Variants in SLC12A6 observed in about 807,000 individuals in gnomAD.
The protein encoded by SLC12A6 is solute carrier family 12 member 6.
Under a neutral mutation model 135.3 loss-of-function variants are expected in SLC12A6, and 66 were observed. The ratio of observed to expected loss-of-function variants is 0.49; its 90% CI spans 0.40 to 0.60. SLC12A6 has a LOEUF of 0.60. SLC12A6 is among the 20% of genes least tolerant of loss of function. The pLI, the probability that SLC12A6 is intolerant of heterozygous loss-of-function variation, is 0.00. For missense variants in SLC12A6, 1,058 were observed against 1,452.3 expected, an observed-to-expected ratio of 0.73 and a Z score of 4.41; for synonymous variants, 513 against 508.8, an observed-to-expected ratio of 1.01 and a Z score of -0.11.
At chr15:34,294,302 G>T (rs983688740) in intron 2 of SLC12A6, among the ~76,000 whole-genome samples, 1 of 151,888 alleles carries the variant, frequency 6.6e-6, no homozygotes, top group African/African-American at 2.4e-5. Context: ...GTGTGATCAC[G>T]GCTCACTGCA....
intron 6 of SLC12A6, 43 bp downstream of exon 6, chr15:34,257,599 T>C: frequency 1.9e-6 from 3 of 1,561,510 alleles, no homozygotes; most frequent in Non-Finnish European, 2.6e-6. Flanking sequence ...TCTTGAGAAC[T>C]TGCAACGTTC....
intron 5 of SLC12A6, 116 bp downstream of exon 5, chr15:34,258,697 G>T: frequency 3.3e-6 from 3 of 902,334 alleles, no homozygotes; most frequent in Non-Finnish European, 3.7e-6. Flanking sequence ...ACAGTTCCAG[G>T]CACCTCTCAA....
chr15:34,291,739 C>T (rs771992853), intron 2 of SLC12A6, among the ~76,000 whole-genome samples: 4 of 151,894 alleles, frequency 2.6e-5, no homozygotes, highest in Non-Finnish European at 4.4e-5. Flanking sequence ...ATTTGATCTT[C>T]GATCACTGAT....
chr15:34,277,557 C>A (rs1477929705), intron 2 of SLC12A6, among the ~76,000 whole-genome samples: 1 of 151,902 alleles, frequency 6.6e-6, no homozygotes, highest in South Asian at 2.1e-4. Flanking sequence ...GAAAATTGGG[C>A]CCTATCATTA....
chr15:34,235,430 G>GTTTTTTTT, intron 24 of SLC12A6, 116 bp from the exon 25 acceptor site: 3 of 539,778 alleles, frequency 5.6e-6, no homozygotes, highest in Non-Finnish European at 9.3e-6. Flanking sequence ...CTGATAAAAT[G>GTTTTTTTT]ATTTTTTTTT....
chr15:34,251,515 AG>A (rs1892394409), intron 10 of SLC12A6, among the ~76,000 whole-genome samples: 1 of 152,162 alleles, frequency 6.6e-6, no homozygotes, highest in African/African-American at 2.4e-5. Flanking sequence ...CCAAAGTGCT[AG>A]GATTACAGGC....
chr15:34,304,594 A>C (rs7166919), intron 2 of SLC12A6, among the ~76,000 whole-genome samples: 3,043 of 152,232 alleles, frequency 0.02, 97 homozygotes, highest in African/African-American at 0.07. Flanking sequence ...GTGTGAAAAA[A>C]CTGTACCTCA....
At chr15:34,318,848 G>C (rs945820914) in intron 2 of SLC12A6, 2 of 1,474,374 alleles carry the variant, frequency 1.4e-6, no homozygotes, top group Non-Finnish European at 1.8e-6. Context: ...AGCCCTGAGG[G>C]AGTGGGGCGC....
At position 34,255,410 on chromosome 15, in the gene SLC12A6, A is replaced by G. The variant is rs2140727765; in HGVS notation, c.746-18T>C. On this transcript the variant is annotated intron_variant, in intron 7 of 25. Coordinates refer to ENST00000354181, the MANE Select transcript of SLC12A6 (RefSeq NM_001365088.1). ...GCCCCCAGCTAAAAGACAAAACAGA[A>G]GGTGAATAGAAGAAAGAGTGTGTAT... The G allele has an allele frequency of 6.3e-7, 1 of 1,583,842 alleles. No individual in the cohort carries two copies. Among genetic ancestry groups the G allele is most frequent in the Non-Finnish European group, 8.7e-7 (1 of 1,152,416 alleles).
chr15:34,330,913 G>A (rs1460839518), intron 2 of SLC12A6, among the ~76,000 whole-genome samples: 5 of 151,980 alleles, frequency 3.3e-5, no homozygotes, highest in East Asian at 3.9e-4. Context: ...GTAGTGGCAC[G>A]TGCCTGTAGT....
At chr15:34,269,778 C>T (rs1281360385) in intron 3 of SLC12A6, among the ~76,000 whole-genome samples, 1 of 151,730 alleles carries the variant, frequency 6.6e-6, no homozygotes, top group Non-Finnish European at 1.5e-5. Context: ...TAATCACATT[C>T]AGTACTTCTA....
chr15:34,336,900 A>C (rs1890236828), intron 1 of SLC12A6, 148 bp from the exon 2 acceptor site: 1 of 588,906 alleles, frequency 1.7e-6, no homozygotes, highest in Admixed American at 3.0e-5. Context: ...TATATTTTTT[A>C]AGAGAGAAAA....
intron 13 of SLC12A6, 50 bp from the exon 14 acceptor site, chr15:34,245,917 TG>T: frequency 6.9e-7 from 1 of 1,451,976 alleles, no homozygotes; most frequent in South Asian, 1.2e-5. Flanking sequence ...AACTTTAGAC[TG>T]AAAGACTAGA....
Position 34,310,817 on chromosome 15 carries a change from T to TCC in SLC12A6, c.271+25592_271+25593insGG, listed in dbSNP as rs1315456229. On this transcript the variant is annotated intron_variant, in intron 2 of 25. Transcript: ENST00000354181. ...GTGTGTGTGTGTGTGTGTGTGTGTG[T>TCC]GTCCCGTGTCCAGGCTGGTGTTGAA... Among the ~76,000 whole-genome samples, 248 of 109,574 alleles carry TCC rather than the reference T, an allele frequency of 2.3e-3. 3 individuals are homozygous for TCC. The Middle Eastern group carries it at 0.023, about 10-fold the overall frequency. The allele number at this position is 109,574 out of a possible 152,430, so 71.9% of individuals were successfully genotyped here. A position where few individuals can be genotyped will look rare whatever the true frequency, so the allele number is the denominator to read the frequency against.
intron 13 of SLC12A6, among the ~76,000 whole-genome samples, chr15:34,246,620 TCACAG>T (rs1892009562): frequency 6.6e-6 from 1 of 152,082 alleles, no homozygotes; most frequent in Non-Finnish European, 1.5e-5. Context: ...ATATCTACAT[TCACAG>T]TTCAGGTTTT....
intron 2 of SLC12A6, among the ~76,000 whole-genome samples, chr15:34,285,718 C>CACACACACACACACACACACACACAT (rs1555385547): frequency 0.014 from 910 of 66,000 alleles, 10 homozygotes; most frequent in African/African-American, 0.033. Context: ...GTGTGTTTGT[C>CACACACACACACACACACACACACAT]ATACATAAAA....
intron 2 of SLC12A6, among the ~76,000 whole-genome samples, chr15:34,310,755 A>G (rs1888179793): frequency 1.2e-5 from 1 of 82,080 alleles, no homozygotes. Flanking sequence ...GCTGGTGTTG[A>G]ACTCCTGGGC....
rs1173132951 is a variant in SLC12A6 at position 34,236,124 on chromosome 15, T to C, written c.3118A>G (p.Thr1040Ala). 6.2e-7 allele frequency: 1 copy of C among 1,613,692 alleles called. No individual in the cohort carries two copies. ...IGSDEDEETE[T>A]YQEKVHMTWT... ...GTCATGTGCACCTTCTCCTGATAGG[T>C]TTCTGTCTCTTCGTCCTCATCAGAG... Residue 1040 changes from threonine (T) to alanine (A), a missense_variant, in exon 24 of 26, where the codon ACC (threonine) becomes GCC (alanine). Around this residue, in one of 6 missense-constraint regions of SLC12A6, gnomAD observed 245 missense variants for 440.8 expected, o/e 0.56. Transcript: ENST00000354181.
At position 34,231,364 on chromosome 15, in the gene SLC12A6, G is replaced by GA. The variant is rs77227436; in HGVS notation, c.*2516dup. 0.17 allele frequency: 23,145 copies of GA among 138,298 alleles called. 2,268 individuals carry two copies. Among genetic ancestry groups the GA allele is most frequent in the African/African-American group, 0.29 (10,948 of 37,688 alleles). 8.6% of individuals were successfully genotyped at this position (138,298 alleles called of 1,614,324 possible). A position where few individuals can be genotyped will look rare whatever the true frequency, so the allele number is the denominator to read the frequency against. ...GCAACAAGAGCGAAACTACGTCTCG[G>GA]AAAAAAAAAAAAAAGATACTGGATC... is the stretch of plus-strand genomic sequence containing the variant. On this transcript the variant is annotated 3_prime_UTR_variant, in exon 26 of 26. Transcript: ENST00000354181.
Sources: allele counts gnomAD v4.1 joint callset (sites outside exome capture counted in the v4.1 genomes callset), GRCh38; gene constraint gnomAD v4.1.1; regional missense constraint gnomAD v4.1.1; transcripts MANE v1.5; gene names NCBI Gene and HGNC (gene_info 2026-07-23, HGNC 2026-07-21).